The following CDH12 variants were observed in gnomAD, a reference collection of about 807,000 sequenced individuals.
The protein encoded by CDH12 is cadherin 12.
A neutral mutation model predicts 74.1 loss-of-function variants in CDH12; 41 were observed. That is an observed-to-expected ratio of 0.55 (90% confidence interval 0.43 to 0.72). The LOEUF (loss-of-function observed/expected upper bound fraction) is 0.72, where lower values mean the gene tolerates loss of function less well. CDH12 is among the 30% of genes least tolerant of loss of function. The probability of loss-of-function intolerance (pLI) is 0.00; values close to 1 mark genes in which losing one functional copy is unlikely to be tolerated. For missense variants in CDH12, 945 were observed against 977.2 expected (o/e 0.97, Z 0.44); for synonymous variants, 399 against 355.0 (o/e 1.12, Z -1.39).
At chr5:22,818,786 G>A (rs923728383) in intron 1 of CDH12, among the ~76,000 whole-genome samples, 6 of 152,124 alleles carry the variant, frequency 3.9e-5, no homozygotes, top group African/African-American at 1.4e-4. Context: ...GGTTGTTTCT[G>A]AAATATGCCT....
chr5:22,160,740 G>A (rs1240239189), intron 4 of CDH12, among the ~76,000 whole-genome samples: 2 of 151,964 alleles, frequency 1.3e-5, no homozygotes, highest in Non-Finnish European at 2.9e-5. Context: ...AGGGACCAAG[G>A]AGCTCAACTC....
intron 2 of CDH12, among the ~76,000 whole-genome samples, chr5:22,463,737 G>A (rs1745613031): frequency 6.6e-6 from 1 of 151,924 alleles, no homozygotes; most frequent in Non-Finnish European, 1.5e-5. Context: ...AGTTAATTTA[G>A]TAAACACAGA....
At chr5:22,699,271 G>A (rs1223035729) in intron 1 of CDH12, among the ~76,000 whole-genome samples, 2 of 151,346 alleles carry the variant, frequency 1.3e-5, no homozygotes, top group Non-Finnish European at 2.9e-5. Flanking sequence ...TAATGTTGTG[G>A]TTTAACTTAA....
intron 2 of CDH12, among the ~76,000 whole-genome samples, chr5:22,432,560 T>C (rs1479301891): frequency 1.4e-5 from 2 of 143,680 alleles, no homozygotes; most frequent in East Asian, 2.1e-4. Flanking sequence ...TGTGTGTGTG[T>C]GCGTGTGTGT....
chr5:21,764,157 G>T (rs1744875857), intron 12 of CDH12, among the ~76,000 whole-genome samples: 1 of 151,932 alleles, frequency 6.6e-6, no homozygotes, highest in Admixed American at 6.6e-5. Context: ...GGCGGATCAC[G>T]AGGTCAGGAG....
intron 1 of CDH12, among the ~76,000 whole-genome samples, chr5:22,525,340 C>G (rs1385162480): frequency 6.6e-6 from 1 of 152,056 alleles, no homozygotes; most frequent in Non-Finnish European, 1.5e-5. Flanking sequence ...TGACCATGAC[C>G]AAGTTACACT....
At chr5:22,016,197 G>A (rs1402968338) in intron 5 of CDH12, among the ~76,000 whole-genome samples, 4 of 151,988 alleles carry the variant, frequency 2.6e-5, no homozygotes, top group African/African-American at 9.7e-5. Flanking sequence ...TCAAACTGTA[G>A]AGTATGATCT....
intron 1 of CDH12, among the ~76,000 whole-genome samples, chr5:22,714,807 C>A (rs1270620705): frequency 6.6e-6 from 1 of 152,166 alleles, no homozygotes; most frequent in Non-Finnish European, 1.5e-5. Flanking sequence ...GCAGAATGAT[C>A]TTTTCCATGC....
chr5:22,118,201 A>G (rs1561130154), intron 4 of CDH12, among the ~76,000 whole-genome samples: 1 of 152,190 alleles, frequency 6.6e-6, no homozygotes, highest in Non-Finnish European at 1.5e-5. Context: ...ACTCAAATTC[A>G]GTCCTGCTTT....
At chr5:22,178,936 G>A (rs1749484476) in intron 4 of CDH12, among the ~76,000 whole-genome samples, 1 of 152,260 alleles carries the variant, frequency 6.6e-6, no homozygotes, top group South Asian at 2.1e-4. Flanking sequence ...TGAAAAGACA[G>A]ACTTGCACAA....
chr5:22,685,410 G>A (rs1000170441), intron 1 of CDH12, among the ~76,000 whole-genome samples: 2 of 152,004 alleles, frequency 1.3e-5, no homozygotes, highest in Non-Finnish European at 2.9e-5. Flanking sequence ...GCTAATTTTT[G>A]TATTTTTAGT....
At chr5:22,809,877 G>T (rs1201059382) in intron 1 of CDH12, among the ~76,000 whole-genome samples, 1 of 151,976 alleles carries the variant, frequency 6.6e-6, no homozygotes, top group African/African-American at 2.4e-5. Flanking sequence ...GGTGTAAAAT[G>T]TTATATGAAA....
At chr5:22,276,829 G>C (rs1398762295) in intron 3 of CDH12, among the ~76,000 whole-genome samples, 1 of 152,092 alleles carries the variant, frequency 6.6e-6, no homozygotes, top group African/African-American at 2.4e-5. Flanking sequence ...TGGGATTACA[G>C]GTACATGATA....
At chr5:22,102,339 G>T (rs1744183024) in intron 4 of CDH12, among the ~76,000 whole-genome samples, 1 of 152,022 alleles carries the variant, frequency 6.6e-6, no homozygotes, top group Non-Finnish European at 1.5e-5. Context: ...GTAGTGCGAT[G>T]GTTTGAATGT....
chr5:22,681,197 T>C (rs1473236453), intron 1 of CDH12, among the ~76,000 whole-genome samples: 15 of 151,578 alleles, frequency 9.9e-5, no homozygotes, highest in Admixed American at 7.3e-4. Flanking sequence ...TAACTAGTTA[T>C]GTAAAATCAT....
chr5:22,734,292 A>G (rs1744576906), intron 1 of CDH12, among the ~76,000 whole-genome samples: 1 of 151,950 alleles, frequency 6.6e-6, no homozygotes, highest in Non-Finnish European at 1.5e-5. Context: ...GCTATAGCAG[A>G]TAGTAGTATC....
intron 3 of CDH12, among the ~76,000 whole-genome samples, chr5:22,362,825 C>G (rs998547279): frequency 2.1e-4 from 31 of 149,934 alleles, no homozygotes; most frequent in Non-Finnish European, 3.7e-4. Context: ...GCAAACTATC[C>G]CAAGGACAAA....
intron 4 of CDH12, among the ~76,000 whole-genome samples, chr5:22,176,658 C>G (rs1338385683): frequency 6.6e-6 from 1 of 152,120 alleles, no homozygotes; most frequent in East Asian, 1.9e-4. Context: ...CTGTCACTTT[C>G]TGCCTAACTG....
chr5:22,717,276 G>GT (rs1455130226), intron 1 of CDH12, among the ~76,000 whole-genome samples: 1 of 151,802 alleles, frequency 6.6e-6, no homozygotes, highest in Non-Finnish European at 1.5e-5. Flanking sequence ...CACTTTTACT[G>GT]TGTCATTTCA....
Sources: gnomAD v4.1 joint callset for allele counts (sites outside exome capture counted in the v4.1 genomes callset) on GRCh38, gnomAD v4.1.1 for gene constraint, MANE v1.5 for transcripts, NCBI Gene and HGNC (gene_info 2026-07-23, HGNC 2026-07-21) for gene names.